The following DOCK1 variants were observed in gnomAD, a reference collection of about 807,000 sequenced individuals.
DOCK1 encodes the protein dedicator of cytokinesis protein 1.
A neutral mutation model predicts 262.7 loss-of-function variants in DOCK1; 138 were observed. The ratio of observed to expected loss-of-function variants is 0.53; its 90% confidence interval spans 0.46 to 0.61. The LOEUF is 0.61. Ranked by LOEUF, DOCK1 falls within the 20% of genes least tolerant of loss-of-function variation. DOCK1 has a pLI of 0.00. For missense variants in DOCK1, 1,908 were observed against 2,370.7 expected, an observed-to-expected ratio of 0.80 and a Z score of 4.05; for synonymous variants, 866 against 867.4, an observed-to-expected ratio of 1.00 and a Z score of 0.03.
chr10:127,232,558 T>C (rs1341720312), intron 27 of DOCK1, among the ~76,000 whole-genome samples: 2 of 152,242 alleles, frequency 1.3e-5, no homozygotes, highest in Non-Finnish European at 2.9e-5. Flanking sequence ...GTGATATTCC[T>C]ACCATATTTA....
At chr10:126,918,966 G>C (rs142682575) in intron 1 of DOCK1, among the ~76,000 whole-genome samples, 1 of 151,348 alleles carries the variant, frequency 6.6e-6, no homozygotes, top group East Asian at 1.9e-4. Context: ...AGAGGATTTG[G>C]AGGAGGAGAA....
intron 1 of DOCK1, among the ~76,000 whole-genome samples, chr10:126,926,517 C>T (rs1033242700): frequency 6.6e-6 from 1 of 152,164 alleles, no homozygotes; most frequent in Admixed American, 6.5e-5. Flanking sequence ...CATTCTATGC[C>T]AGAGGAGGTT....
At chr10:127,137,545 A>G (rs984037179) in intron 27 of DOCK1, 9 of 307,944 alleles carry the variant, frequency 2.9e-5, no homozygotes, top group Admixed American at 2.8e-4. Context: ...TTACTTGCAG[A>G]TCGGGGGTGG....
intron 10 of DOCK1, among the ~76,000 whole-genome samples, chr10:127,007,939 C>T: frequency 6.6e-6 from 1 of 152,126 alleles, no homozygotes; most frequent in East Asian, 1.9e-4. Flanking sequence ...ATGGTAGCTA[C>T]TTGTTGGCTT....
intron 27 of DOCK1, among the ~76,000 whole-genome samples, chr10:127,217,930 A>G (rs1022434031): frequency 1.3e-5 from 2 of 152,036 alleles, no homozygotes; most frequent in African/African-American, 2.4e-5. Flanking sequence ...TCCCAGAACC[A>G]TTTATTGAAA....
chr10:127,361,838 G>A (rs962353011), intron 32 of DOCK1, among the ~76,000 whole-genome samples: 5 of 152,234 alleles, frequency 3.3e-5, no homozygotes, highest in East Asian at 1.9e-4. Flanking sequence ...TATACCGCGC[G>A]GATCTTTGAA....
intron 49 of DOCK1, among the ~76,000 whole-genome samples, chr10:127,441,950 G>A (rs2070187776): frequency 6.6e-6 from 1 of 152,046 alleles, no homozygotes; most frequent in Admixed American, 6.6e-5. Context: ...ATGCAGGGAG[G>A]CCAGGAGAAG....
intron 22 of DOCK1, among the ~76,000 whole-genome samples, chr10:127,057,553 T>A (rs1427429809): frequency 6.6e-6 from 1 of 152,236 alleles, no homozygotes; most frequent in Non-Finnish European, 1.5e-5. Flanking sequence ...GTTTAAAAGC[T>A]ATGGCCCAAA....
intron 2 of DOCK1, among the ~76,000 whole-genome samples, chr10:126,977,608 C>G (rs2038644551): frequency 1.3e-5 from 2 of 152,156 alleles, no homozygotes; most frequent in African/African-American, 4.8e-5. Context: ...AATGCATACA[C>G]AAGGAGCCTA....
chr10:127,411,569 G>C (rs1395127353), intron 43 of DOCK1, among the ~76,000 whole-genome samples: 2 of 152,168 alleles, frequency 1.3e-5, no homozygotes, highest in Admixed American at 1.3e-4. Context: ...GGCCAGGCAT[G>C]GTGGCTCACA....
rs773273898 is a variant in DOCK1, at chr10:126,981,946, T to C, written c.200T>C (p.Leu67Pro). ...ATATTTCCTGCTTCATATATTCATC[T>C]TAAAGAAGCGATAGTTGAAGGAAAA... Reference protein sequence around the residue: ...KGIFPASYIHLKEAIVEGKGQ... With the variant: ...KGIFPASYIHPKEAIVEGKGQ... Residue 67 changes from leucine (L) to proline (P), a missense_variant, in exon 4 of 52, where the codon CTT (leucine) becomes CCT (proline). This residue lies in a region of DOCK1 where 227 missense variants were observed against 254.1 expected (regional missense o/e 0.89). Coordinates refer to ENST00000623213, the MANE Select transcript of DOCK1 (RefSeq NM_001290223.2). 4.3e-6 allele frequency: 7 copies of C among 1,613,738 alleles called. No homozygotes were observed. The highest frequency in any genetic ancestry group is 4.2e-6 in the Non-Finnish European group (5 of 1,179,806).
chr10:127,226,359 C>G (rs2058639461), intron 27 of DOCK1, among the ~76,000 whole-genome samples: 1 of 152,112 alleles, frequency 6.6e-6, no homozygotes, highest in African/African-American at 2.4e-5. Context: ...GTAATGCTGT[C>G]AGCAGGCCCA....
intron 27 of DOCK1, among the ~76,000 whole-genome samples, chr10:127,151,042 T>A (rs1359709395): frequency 6.6e-6 from 1 of 152,206 alleles, no homozygotes; most frequent in Admixed American, 6.5e-5. Flanking sequence ...TTTTTTATGA[T>A]TTCCCCATTG....
intron 29 of DOCK1, among the ~76,000 whole-genome samples, chr10:127,281,389 G>C (rs1348374160): frequency 6.6e-6 from 1 of 152,216 alleles, no homozygotes; most frequent in Non-Finnish European, 1.5e-5. Context: ...ACACAGGAGA[G>C]CCTCACAAAC....
chr10:127,102,282 C>T (rs2048296322), intron 23 of DOCK1, among the ~76,000 whole-genome samples: 2 of 152,142 alleles, frequency 1.3e-5, no homozygotes, highest in Non-Finnish European at 1.5e-5. Context: ...CTGTCTCCTC[C>T]GTGAAAGGGG....
rs1483759886 is a variant in DOCK1 at position 127,447,535 on chromosome 10, C to T, written c.5555C>T (p.Pro1852Leu). 1.2e-6 allele frequency: 2 copies of T among 1,613,884 alleles called. No homozygotes were observed. Among genetic ancestry groups the T allele is most frequent in the Non-Finnish European group, 1.7e-6 (2 of 1,179,850 alleles). Reference protein sequence around the residue: ...LGSPTPPPPPPHQRHLPPPLP... With the variant: ...LGSPTPPPPPLHQRHLPPPLP... ...TCGCCAACACCTCCACCTCCCCCTC[C>T]ACACCAGAGGGTAAGTCGGCAATCT... Residue 1852 changes from proline to leucine, a missense_variant, in exon 51 of 52, where the codon CCA becomes CTA. This residue lies in a region of DOCK1 where 383 missense variants were observed against 420.1 expected (regional missense o/e 0.91). Transcript: ENST00000623213.
At chr10:127,411,953 T>A (rs1565071385) in intron 43 of DOCK1, among the ~76,000 whole-genome samples, 1 of 152,108 alleles carries the variant, frequency 6.6e-6, no homozygotes, top group Non-Finnish European at 1.5e-5. Context: ...TTTCTTTATT[T>A]TTTTATTTTT....
chr10:127,439,308 G>A (rs1926427), intron 49 of DOCK1, 83 bp downstream of exon 49: 617,414 of 1,403,232 alleles, frequency 0.44, 139,678 homozygotes, highest in East Asian at 0.47. Flanking sequence ...CAGGGCTGAC[G>A]GTGGGCTCTT....
At chr10:126,978,455 C>G (rs773712958) in intron 3 of DOCK1, among the ~76,000 whole-genome samples, 2 of 152,174 alleles carry the variant, frequency 1.3e-5, no homozygotes, top group Non-Finnish European at 2.9e-5. Context: ...GAGTTCTGCT[C>G]TCCTAGAGCA....
Sources: gnomAD v4.1 joint callset for allele counts (sites outside exome capture counted in the v4.1 genomes callset) on GRCh38, gnomAD v4.1.1 for gene constraint, gnomAD v4.1.1 regional missense constraint, MANE v1.5 for transcripts, NCBI Gene and HGNC (gene_info 2026-07-23, HGNC 2026-07-21) for gene names.